The following TM9SF3 variants were observed in gnomAD, a reference collection of about 807,000 sequenced individuals.
The protein encoded by TM9SF3 is SM-11044-binding protein.
TM9SF3 carries 14 observed loss-of-function variants against 78.6 expected under a neutral mutation model. The observed-to-expected ratio is 0.18, with a 90% CI of 0.12 to 0.28. TM9SF3 has a LOEUF of 0.28. Among genes scored for constraint, TM9SF3 ranks in the 10% least tolerant of loss-of-function variants. TM9SF3 has a pLI of 1.00. For synonymous variants in TM9SF3, 231 were observed against 241.7 expected, an observed-to-expected ratio of 0.96 and a Z score of 0.41; for missense variants, 496 against 721.9, an observed-to-expected ratio of 0.69 and a Z score of 3.59.
intron 9 of TM9SF3, among the ~76,000 whole-genome samples, chr10:96,543,157 GT>G (rs1848054058): frequency 6.6e-6 from 1 of 152,112 alleles, no homozygotes; most frequent in Admixed American, 6.5e-5. Flanking sequence ...CTAAAATTCT[GT>G]TTCTAGTAAA....
chr10:96,528,521 C>T lies in TM9SF3; in HGVS notation c.1395-344G>A, dbSNP rs117306055. On this transcript the variant is annotated intron_variant, in intron 11 of 14. Transcript: ENST00000371142. ...TATCCATATTGTTTTGTAGATACAA[C>T]ACAATTCAAGCAATGTAGTTTGTAT... is the stretch of plus-strand genomic sequence containing the variant. Among the ~76,000 whole-genome samples the T allele has an allele frequency of 5.8e-3, 884 of 152,034 alleles. 6 individuals carry two copies. Among genetic ancestry groups the T allele is most frequent in the South Asian group, 0.014 (69 of 4,824 alleles).
Position 96,521,272 on chromosome 10 carries a change from G to A in TM9SF3, c.*991C>T, listed in dbSNP as rs551526943. The A allele has an allele frequency of 1.4e-3, 252 of 179,002 alleles. 1 individual carries two copies. The highest frequency in any genetic ancestry group is 2.6e-3 in the Non-Finnish European group (220 of 86,238). 11.1% of individuals were successfully genotyped at this position (179,002 alleles called of 1,614,324 possible). On this transcript the variant is annotated 3_prime_UTR_variant, in exon 15 of 15. Transcript: ENST00000371142. Reference sequence around the variant, plus strand: ...CATAAGAAAAAAGTACTCTGTAGTCGATCTGTACATCCAAATGCATTTGGG... The same window carrying A: ...CATAAGAAAAAAGTACTCTGTAGTCAATCTGTACATCCAAATGCATTTGGG...
At chr10:96,537,608 G>A (rs764551473) in intron 9 of TM9SF3, among the ~76,000 whole-genome samples, 16 of 152,162 alleles carry the variant, frequency 1.1e-4, no homozygotes, top group Non-Finnish European at 2.2e-4. Flanking sequence ...CAAGGCAGGC[G>A]GATCACCTAA....
rs1847738683 is a variant in TM9SF3, at chr10:96,519,578, T to C, written c.*2685A>G. ...AAAGATACACAAGGAATGTTTAGCC[T>C]TAGTTTTTGATAGTATTATCCAAAG... is the stretch of plus-strand genomic sequence containing the variant. On this transcript the variant is annotated 3_prime_UTR_variant, in exon 15 of 15. Coordinates refer to ENST00000371142, the MANE Select transcript of TM9SF3 (RefSeq NM_020123.4). 1 of 151,998 alleles carries C rather than the reference T, an allele frequency of 6.6e-6. No homozygotes were observed. The highest frequency in any genetic ancestry group is 2.4e-5 in the African/African-American group (1 of 41,442). 9.4% of individuals were successfully genotyped at this position (151,998 alleles called of 1,614,324 possible). A position where few individuals can be genotyped will look rare whatever the true frequency, so the allele number is the denominator to read the frequency against.
At chr10:96,561,618 C>T (rs1848309656) in intron 4 of TM9SF3, among the ~76,000 whole-genome samples, 1 of 152,200 alleles carries the variant, frequency 6.6e-6, no homozygotes, top group African/African-American at 2.4e-5. Flanking sequence ...TACAGCATCA[C>T]TTCTATCTGC....
chr10:96,578,938 T>C lies in TM9SF3; in HGVS notation c.103-2109A>G, dbSNP rs149081802. On this transcript the variant is annotated intron_variant, in intron 1 of 14. Coordinates refer to ENST00000371142, the MANE Select transcript of TM9SF3 (RefSeq NM_020123.4). Reference sequence around the variant, plus strand: ...TTAAAATACAAATATTAGCAGGGTGTCGTGGCACACACCTTGTAATCCCAG... The same window carrying C: ...TTAAAATACAAATATTAGCAGGGTGCCGTGGCACACACCTTGTAATCCCAG... Among the ~76,000 whole-genome samples the C allele has an allele frequency of 3.6e-3, 554 of 152,274 alleles. 3 individuals are homozygous for C. Among genetic ancestry groups the C allele is most frequent in the African/African-American group, 0.013 (532 of 41,548 alleles).
At chr10:96,570,959 G>A (rs1589461829) in intron 2 of TM9SF3, among the ~76,000 whole-genome samples, 1 of 151,986 alleles carries the variant, frequency 6.6e-6, no homozygotes, top group African/African-American at 2.4e-5. Context: ...AGCTGGTCTC[G>A]AACTCCTGAC....
chr10:96,548,626 C>T (rs1372223120), intron 7 of TM9SF3, among the ~76,000 whole-genome samples: 1 of 151,698 alleles, frequency 6.6e-6, no homozygotes, highest in Non-Finnish European at 1.5e-5. Context: ...GGCAAAACCC[C>T]GCCTCTACTA....
intron 2 of TM9SF3, among the ~76,000 whole-genome samples, chr10:96,570,081 T>C (rs895948619): frequency 6.6e-6 from 1 of 152,202 alleles, no homozygotes; most frequent in Admixed American, 6.5e-5. Context: ...GAATAGTATG[T>C]TGCCACATTT....
chr10:96,572,103 CA>C (rs1848443415), intron 2 of TM9SF3, among the ~76,000 whole-genome samples: 5 of 152,132 alleles, frequency 3.3e-5, no homozygotes, highest in Admixed American at 2.0e-4. Context: ...AGTCTGTAAT[CA>C]ATAAACTAAC....
intron 1 of TM9SF3, among the ~76,000 whole-genome samples, chr10:96,586,047 CTTAG>C (rs1312582115): frequency 3.9e-5 from 6 of 152,194 alleles, no homozygotes; most frequent in South Asian, 2.1e-4. Flanking sequence ...CAGAAGCTGC[CTTAG>C]TTAGAGACTA....
Position 96,586,869 on chromosome 10 carries a change from C to A in TM9SF3, c.-34G>T, listed in dbSNP as rs1322820477. 11 of 1,186,778 alleles carry A rather than the reference C, an allele frequency of 9.3e-6. No homozygotes were observed. Among genetic ancestry groups the A allele is most frequent in the Non-Finnish European group, 1.1e-5 (11 of 963,110 alleles). The allele number at this position is 1,186,778 out of a possible 1,614,324, so 73.5% of individuals were successfully genotyped here. A position where few individuals can be genotyped will look rare whatever the true frequency, so the allele number is the denominator to read the frequency against. ...CCCCTCCGGCCCGGAGCCGGCTCAC[C>A]GACTCCTCCTCCCGCCGCCGCCTCC... On this transcript the variant is annotated 5_prime_UTR_variant, in exon 1 of 15. Transcript: ENST00000371142.
chr10:96,535,838 T>C (rs779435575), intron 9 of TM9SF3, among the ~76,000 whole-genome samples: 33 of 152,346 alleles, frequency 2.2e-4, no homozygotes, highest in Admixed American at 7.8e-4. Context: ...AAACCAAGAA[T>C]TTGGCTATTA....
chr10:96,543,815 G>A (rs574302998), intron 9 of TM9SF3: 6 of 204,756 alleles, frequency 2.9e-5, no homozygotes, highest in Admixed American at 1.6e-4. Flanking sequence ...AAAAGCTATA[G>A]TGCTCTCTTT....
At chr10:96,573,845 G>C (rs190376015) in intron 2 of TM9SF3, among the ~76,000 whole-genome samples, 1 of 152,196 alleles carries the variant, frequency 6.6e-6, no homozygotes, top group African/African-American at 2.4e-5. Flanking sequence ...TATTTAATAG[G>C]TGGTGTTGGG....
At chr10:96,585,783 T>C (rs1404759982) in intron 1 of TM9SF3, among the ~76,000 whole-genome samples, 3 of 152,226 alleles carry the variant, frequency 2.0e-5, no homozygotes, top group Non-Finnish European at 4.4e-5. Context: ...CTATCATTAA[T>C]GGTAAAGGTA....
intron 13 of TM9SF3, 54 bp from the exon 14 acceptor site, chr10:96,527,343 C>T: frequency 1.3e-6 from 2 of 1,584,324 alleles, no homozygotes; most frequent in Non-Finnish European, 1.7e-6. Flanking sequence ...CAACTTAAGG[C>T]CTTAAATATT....
chr10:96,525,148 G>A (rs1207188849), intron 14 of TM9SF3, among the ~76,000 whole-genome samples: 1 of 151,958 alleles, frequency 6.6e-6, no homozygotes, highest in African/African-American at 2.4e-5. Flanking sequence ...CTCACTGAAT[G>A]CTGGTGATAA....
chr10:96,575,773 C>CAGG (rs1471077101), intron 2 of TM9SF3, among the ~76,000 whole-genome samples: 1 of 149,934 alleles, frequency 6.7e-6, no homozygotes, highest in African/African-American at 2.5e-5. Flanking sequence ...CTCCTGTTTA[C>CAGG]AGGATCCATG....
Sources: allele counts gnomAD v4.1 joint callset (sites outside exome capture counted in the v4.1 genomes callset), GRCh38; gene constraint gnomAD v4.1.1; transcripts MANE v1.5; gene names NCBI Gene and HGNC (gene_info 2026-07-23, HGNC 2026-07-21).